ADAMTSL1: variants seen among roughly 807,000 people sequenced by gnomAD.
The protein encoded by ADAMTSL1 is ADAMTS like 1.
A neutral mutation model predicts 201.8 loss-of-function variants in ADAMTSL1; 126 were observed. That is an observed-to-expected ratio of 0.62 (90% CI 0.54 to 0.72). The LOEUF (loss-of-function observed/expected upper bound fraction) is 0.72. Ranked by LOEUF, ADAMTSL1 falls within the 30% of genes least tolerant of loss-of-function variation. The probability of loss-of-function intolerance (pLI) is 0.00; values close to 1 mark genes in which losing one functional copy is unlikely to be tolerated. For synonymous variants in ADAMTSL1, 1,121 were observed against 903.4 expected (o/e 1.24, Z -4.32); for missense variants, 2,679 against 2,277.8 (o/e 1.18, Z -3.59).
chr9:18,758,754 G>A (rs187505211), intron 16 of ADAMTSL1, among the ~76,000 whole-genome samples: 2 of 152,158 alleles, frequency 1.3e-5, no homozygotes, highest in East Asian at 3.9e-4. Flanking sequence ...TTATGCACAG[G>A]GTAATGTGTT....
intron 4 of ADAMTSL1, among the ~76,000 whole-genome samples, chr9:18,611,287 G>T (rs1392716134): frequency 6.6e-6 from 1 of 152,122 alleles, no homozygotes; most frequent in Non-Finnish European, 1.5e-5. Context: ...CAAGGCCAGA[G>T]GTCAGGCCTT....
intron 2 of ADAMTSL1, among the ~76,000 whole-genome samples, chr9:18,465,310 G>C (rs186663872): frequency 4.1e-4 from 63 of 152,236 alleles, no homozygotes; most frequent in Non-Finnish European, 7.4e-4. Context: ...ACCCTGTATT[G>C]CTTTAAAACA....
intron 2 of ADAMTSL1, among the ~76,000 whole-genome samples, chr9:18,262,123 C>T (rs947126658): frequency 1.3e-5 from 2 of 152,108 alleles, no homozygotes; most frequent in African/African-American, 2.4e-5. Context: ...GCCAGGCAAA[C>T]CCTACGACTT....
chr9:17,981,699 T>C (rs944065496), intron 1 of ADAMTSL1, among the ~76,000 whole-genome samples: 2 of 152,206 alleles, frequency 1.3e-5, no homozygotes, highest in Non-Finnish European at 1.5e-5. Context: ...CTGCTTGCAC[T>C]TGTGGTATAA....
intron 2 of ADAMTSL1, among the ~76,000 whole-genome samples, chr9:18,466,740 A>G (rs1017476473): frequency 6.6e-6 from 1 of 152,100 alleles, no homozygotes; most frequent in Non-Finnish European, 1.5e-5. Context: ...GTGACATAAT[A>G]TATAATTATG....
At chr9:18,132,037 G>A (rs771016505) in intron 1 of ADAMTSL1, among the ~76,000 whole-genome samples, 2 of 152,034 alleles carry the variant, frequency 1.3e-5, no homozygotes, top group Non-Finnish European at 2.9e-5. Context: ...TGTCACCTGA[G>A]CTCTGATCTT....
intron 2 of ADAMTSL1, among the ~76,000 whole-genome samples, chr9:18,373,161 C>T (rs900064592): frequency 6.6e-6 from 1 of 152,118 alleles, no homozygotes; most frequent in African/African-American, 2.4e-5. Flanking sequence ...CTTAGTTGAC[C>T]TTCTCAGTCC....
intron 2 of ADAMTSL1, among the ~76,000 whole-genome samples, chr9:18,344,372 G>T (rs1157444313): frequency 6.6e-6 from 1 of 151,906 alleles, no homozygotes; most frequent in Non-Finnish European, 1.5e-5. Flanking sequence ...GTCCAGGCTG[G>T]TCTCAAACTC....
At chr9:18,101,782 G>T (rs568187877) in intron 1 of ADAMTSL1, among the ~76,000 whole-genome samples, 1 of 152,140 alleles carries the variant, frequency 6.6e-6, no homozygotes, top group Non-Finnish European at 1.5e-5. Flanking sequence ...GAATCCAGCC[G>T]GTCAGAAAAA....
chr9:18,039,508 T>C (rs1821346002), intron 1 of ADAMTSL1, among the ~76,000 whole-genome samples: 1 of 152,204 alleles, frequency 6.6e-6, no homozygotes, highest in South Asian at 2.1e-4. Flanking sequence ...ATTTTTATTT[T>C]ATGAATTTTT....
chr9:18,404,719 A>G (rs946636743), intron 2 of ADAMTSL1, among the ~76,000 whole-genome samples: 1 of 152,208 alleles, frequency 6.6e-6, no homozygotes, highest in Non-Finnish European at 1.5e-5. Context: ...AATTTCCATT[A>G]AAGCTCATCA....
intron 2 of ADAMTSL1, among the ~76,000 whole-genome samples, chr9:18,453,490 T>A (rs866423476): frequency 5.9e-5 from 9 of 152,308 alleles, no homozygotes; most frequent in South Asian, 2.1e-4. Context: ...CATGCTTTTT[T>A]AATTTTTTTC....
intron 2 of ADAMTSL1, among the ~76,000 whole-genome samples, chr9:18,229,671 T>G (rs2132400600): frequency 6.6e-6 from 1 of 152,166 alleles, no homozygotes; most frequent in South Asian, 2.1e-4. Flanking sequence ...GATATGATTC[T>G]TTGAACGTAT....
In ADAMTSL1 at chr9:18,385,541, A is replaced by T. The variant is rs569198125; in HGVS notation, c.208-119288A>T. Among the ~76,000 whole-genome samples the T allele has an allele frequency of 1.3e-4, 20 of 152,338 alleles. No homozygotes were observed. The South Asian group carries it at 2.5e-3, about 19-fold the overall frequency. The stretch of plus-strand genomic sequence containing the variant: ...ATGCTGTTTATTTACATTTAATTTG[A>T]AGACAGGTAATAATAAAGAATTCAA... On this transcript the variant is annotated intron_variant, in intron 2 of 29. Coordinates refer to the ADAMTSL1 transcript ENST00000680146.
chr9:18,152,766 C>G (rs1332679424), intron 1 of ADAMTSL1, among the ~76,000 whole-genome samples: 1 of 151,314 alleles, frequency 6.6e-6, no homozygotes, highest in Non-Finnish European at 1.5e-5. Context: ...ATGTAAAGAG[C>G]AAGAATGCAA....
chr9:18,795,078 C>G (rs1448334737), intron 19 of ADAMTSL1, among the ~76,000 whole-genome samples: 3 of 152,214 alleles, frequency 2.0e-5, no homozygotes, highest in Admixed American at 2.0e-4. Context: ...TAGCATCCCC[C>G]CTTCCCCCGG....
chr9:18,699,892 T>C (rs1309307275), intron 13 of ADAMTSL1, among the ~76,000 whole-genome samples: 3 of 152,360 alleles, frequency 2.0e-5, no homozygotes, highest in Non-Finnish European at 2.9e-5. Context: ...TGCTGTCAGA[T>C]GTTTTGAGGA....
Position 17,948,582 on chromosome 9 carries a change from A to C in ADAMTSL1, c.87+41660A>C, listed in dbSNP as rs375631563. The stretch of plus-strand genomic sequence containing the variant: ...CAAGATAGAAAAGTATCTAGGAAAC[A>C]GCGTCAGATGAATACTAGTTTCTAG... On this transcript the variant is annotated intron_variant, in intron 1 of 29. Transcript: ENST00000680146. 3.9e-5 allele frequency among the ~76,000 whole-genome samples: 6 copies of C among 152,302 alleles called. No individual in the cohort carries two copies. In the East Asian group the frequency reaches 7.7e-4, roughly 20 times the overall value.
intron 1 of ADAMTSL1, among the ~76,000 whole-genome samples, chr9:18,132,708 T>C (rs143113947): frequency 2.6e-5 from 4 of 152,172 alleles, no homozygotes; most frequent in East Asian, 1.9e-4. Flanking sequence ...GTACCCTTTT[T>C]CCCCCCTTTC....
Sources: gnomAD v4.1 joint callset for allele counts (sites outside exome capture counted in the v4.1 genomes callset) on GRCh38, gnomAD v4.1.1 for gene constraint, MANE v1.5 for transcripts, NCBI Gene and HGNC (gene_info 2026-07-23, HGNC 2026-07-21) for gene names.